PIK3CD: variants seen among roughly 807,000 people sequenced by gnomAD.
PIK3CD encodes phosphatidylinositol-4,5-bisphosphate 3-kinase catalytic subunit delta.
A neutral mutation model predicts 122.9 loss-of-function variants in PIK3CD; 20 were observed. That is an observed-to-expected ratio of 0.16 (90% CI 0.11 to 0.24). PIK3CD has a LOEUF of 0.24. Among genes scored for constraint, PIK3CD ranks in the 10% least tolerant of loss-of-function variants. PIK3CD has a pLI of 1.00. For missense variants in PIK3CD, 787 were observed against 1,406.3 expected (o/e 0.56, Z 7.04); for synonymous variants, 596 against 593.4 (o/e 1.00, Z -0.06).
At position 9,715,412 on chromosome 1, in the gene PIK3CD, TG is replaced by T; in HGVS notation, c.142-125del. The stretch of plus-strand genomic sequence containing the variant: ...AGGGGGCTGCAGAGAGTGCAGATCT[TG>T]GGGTCTGCCTCTGCCCTCTGGGAGG... On this transcript the variant is annotated intron_variant, in intron 3 of 23. Coordinates refer to ENST00000377346, the MANE Select transcript of PIK3CD (RefSeq NM_005026.5). This position sits in a 1 kb window ranked among gnomAD's most constrained non-coding sequence, Gnocchi z 4.1. 1 of 691,734 alleles carries T rather than the reference TG, an allele frequency of 1.4e-6. No individual in the cohort carries two copies. The highest frequency in any genetic ancestry group is 2.5e-6 in the Non-Finnish European group (1 of 397,040). The allele number at this position is 691,734 out of a possible 1,614,324, so 42.8% of individuals were successfully genotyped here.
chr1:9,704,752 G>C lies in PIK3CD; in HGVS notation c.-32-5672G>C, dbSNP rs543162779. 8.1e-4 allele frequency among the ~76,000 whole-genome samples: 124 copies of C among 152,312 alleles called. 1 individual carries two copies. The South Asian group carries it at 8.9e-3, about 11-fold the overall frequency. On this transcript the variant is annotated intron_variant, in intron 2 of 23. Coordinates refer to ENST00000377346, the MANE Select transcript of PIK3CD (RefSeq NM_005026.5). This position sits in a 1 kb window ranked among gnomAD's most constrained non-coding sequence, Gnocchi z 5.0. ...GGTCACCAATGCCTGAGCTCAAAGT[G>C]ATCCACTGGCCTCAGCCTCCCAAAG...
chr1:9,643,183 T>C, the PIK3CD span, among the ~76,000 whole-genome samples: 2 of 151,790 alleles, frequency 1.3e-5, no homozygotes, highest in African/African-American at 4.8e-5. Flanking sequence ...CCAAGACAGG[T>C]GGATCACCGG....
the PIK3CD span, among the ~76,000 whole-genome samples, chr1:9,630,278 G>T: frequency 2.5e-4 from 38 of 152,360 alleles, no homozygotes; most frequent in Non-Finnish European, 1.5e-5. Flanking sequence ...ATCATGGACT[G>T]CAGGGTCACT....
Position 9,664,263 on chromosome 1 carries a change from G to A in PIK3CD, c.-138+12461G>A, listed in dbSNP as rs533279677. The stretch of plus-strand genomic sequence containing the variant: ...AGGGTTTCACCATGTTGCCCAGGCT[G>A]GTCTCAAACTCCTGGCCTCAGGTGA... On this transcript the variant is annotated intron_variant, in intron 1 of 23. Coordinates refer to ENST00000377346, the MANE Select transcript of PIK3CD (RefSeq NM_005026.5). Among the ~76,000 whole-genome samples, 2 of 152,102 alleles carry A rather than the reference G, an allele frequency of 1.3e-5. 1 individual carries two copies. Among genetic ancestry groups the A allele is most frequent in the Admixed American group, 1.3e-4 (2 of 15,246 alleles).
At chr1:9,674,540 A>G (rs1031898267) in intron 1 of PIK3CD, among the ~76,000 whole-genome samples, 14 of 151,886 alleles carry the variant, frequency 9.2e-5, no homozygotes, top group Non-Finnish European at 1.9e-4. Flanking sequence ...AAATACAAAA[A>G]TTAGCCGGGT....
At chr1:9,628,325 C>G in the PIK3CD span, among the ~76,000 whole-genome samples, 1 of 152,098 alleles carries the variant, frequency 6.6e-6, no homozygotes, top group Admixed American at 6.6e-5. Context: ...GAAAAATACT[C>G]TTAGCGCAGA....
intron 1 of PIK3CD, chr1:9,654,464 C>T (rs757156628): frequency 1.0e-6 from 1 of 967,912 alleles, no homozygotes; most frequent in Admixed American, 2.5e-5. Context: ...ACAGGACAGA[C>T]AGTCCACCAA....
At chr1:9,692,492 C>G (rs1335154753) in intron 2 of PIK3CD, among the ~76,000 whole-genome samples, 2 of 152,028 alleles carry the variant, frequency 1.3e-5, no homozygotes, top group African/African-American at 2.4e-5. Flanking sequence ...TTTGGGAGGC[C>G]AAGGTGGGCG....
intron 1 of PIK3CD, among the ~76,000 whole-genome samples, chr1:9,655,080 A>AT (rs1644807246): frequency 6.6e-6 from 1 of 151,046 alleles, no homozygotes; most frequent in Non-Finnish European, 1.5e-5. Context: ...AAAAAAAAAA[A>AT]GAAAAAAAAG....
Position 9,718,219 on chromosome 1 carries a change from G to C in PIK3CD, c.1021-475G>C. 4.3e-6 allele frequency: 2 copies of C among 467,896 alleles called. No homozygotes were observed. The highest frequency in any genetic ancestry group is 8.5e-6 in the Non-Finnish European group (2 of 235,320). The allele number at this position is 467,896 out of a possible 1,614,324, so 29.0% of individuals were successfully genotyped here. On this transcript the variant is annotated intron_variant, in intron 8 of 23. Coordinates refer to ENST00000377346, the MANE Select transcript of PIK3CD (RefSeq NM_005026.5). The surrounding 1 kb of genome is among the most constrained non-coding windows in gnomAD (Gnocchi z 7.2). The stretch of plus-strand genomic sequence containing the variant: ...AAATCGTATAAGCAGGGCAGGTCTG[G>C]GTTCCACTGGCAGGAATCGAGGGGG...
chr1:9,705,953 CAT>C (rs920917398), intron 2 of PIK3CD, among the ~76,000 whole-genome samples: 104 of 151,142 alleles, frequency 6.9e-4, no homozygotes, highest in African/African-American at 2.4e-3. Context: ...GGTTATGCCA[CAT>C]GTGTCTCTTG....
In PIK3CD at chr1:9,715,974, A is replaced by G; in HGVS notation, c.496A>G (p.Ser166Gly). ...QLGWEAWLQY[S>G]FPLQLEPSAQ... The stretch of plus-strand genomic sequence containing the variant: ...GGGCTGGGAGGCCTGGCTGCAGTAC[A>G]GTTTCCCCCTGCAGCTGGAGCCCTC... Residue 166 changes from serine (S) to glycine (G), a missense_variant, in exon 5 of 24, where the codon AGT (serine) becomes GGT (glycine). Around this residue, in one of 6 missense-constraint regions of PIK3CD, gnomAD observed 592 missense variants for 920.6 expected, o/e 0.64. Coordinates refer to ENST00000377346, the MANE Select transcript of PIK3CD (RefSeq NM_005026.5). The surrounding 1 kb of genome is among the most constrained non-coding windows in gnomAD (Gnocchi z 4.1). 6.2e-7 allele frequency: 1 copy of G among 1,612,444 alleles called. No homozygotes were observed. Among genetic ancestry groups the G allele is most frequent in the Non-Finnish European group, 8.5e-7 (1 of 1,179,860 alleles).
At position 9,724,222 on chromosome 1, in the gene PIK3CD, TTC is replaced by T. The variant is rs1417432000; in HGVS notation, c.2719-49_2719-48del. 9.9e-6 allele frequency: 16 copies of T among 1,612,960 alleles called. No homozygotes were observed. In the East Asian group the frequency reaches 3.3e-4, roughly 34 times the overall value. Reference sequence around the variant, plus strand: ...CTGCTGGCTTCCTGTCTCCCCTGGATTCTCTCCTGTCTGACACCTTCTCAATC... The same window carrying T: ...CTGCTGGCTTCCTGTCTCCCCTGGATTCTCCTGTCTGACACCTTCTCAATC... On this transcript the variant is annotated intron_variant, in intron 21 of 23. Coordinates refer to ENST00000377346, the MANE Select transcript of PIK3CD (RefSeq NM_005026.5). The surrounding 1 kb of genome is among the most constrained non-coding windows in gnomAD (Gnocchi z 7.3).
chr1:9,648,281 G>A (rs540607950), upstream of PIK3CD, among the ~76,000 whole-genome samples: 88 of 152,282 alleles, frequency 5.8e-4, no homozygotes, highest in African/African-American at 1.9e-3. Flanking sequence ...ACATCTTAGC[G>A]CTTGACAACT....
chr1:9,691,367 T>C (rs1025748288), intron 1 of PIK3CD, 100 bp from the exon 2 acceptor site: 4 of 392,624 alleles, frequency 1.0e-5, no homozygotes, highest in African/African-American at 6.2e-5. Flanking sequence ...GATGAAGCAG[T>C]TGATTTTGAG....
At chr1:9,653,489 C>T (rs751421079) in intron 1 of PIK3CD, 4 of 256,866 alleles carry the variant, frequency 1.6e-5, no homozygotes, top group Admixed American at 5.2e-5. Flanking sequence ...CTGGGGGTGC[C>T]GTTGCTTGCG....
chr1:9,716,371 A>AC, intron 5 of PIK3CD, 69 bp from the exon 6 acceptor site: 1 of 1,492,708 alleles, frequency 6.7e-7, no homozygotes, highest in South Asian at 1.1e-5. Context: ...CAAATAGGCA[A>AC]CCCTGCCCTG....
chr1:9,635,073 C>T, the PIK3CD span, among the ~76,000 whole-genome samples: 1 of 152,086 alleles, frequency 6.6e-6, no homozygotes, highest in Non-Finnish European at 1.5e-5. Flanking sequence ...GGGTGGGTCA[C>T]CTGAGGTCAG....
At chr1:9,646,639 C>A in the PIK3CD span, among the ~76,000 whole-genome samples, 1 of 152,224 alleles carries the variant, frequency 6.6e-6, no homozygotes, top group South Asian at 2.1e-4. Flanking sequence ...GAATTTATGT[C>A]CTGTATTTAG....
Sources: allele counts gnomAD v4.1 joint callset (sites outside exome capture counted in the v4.1 genomes callset), GRCh38; gene constraint gnomAD v4.1.1; regional missense constraint gnomAD v4.1.1; non-coding constraint Gnocchi (gnomAD v3.1); transcripts MANE v1.5; gene names NCBI Gene and HGNC (gene_info 2026-07-23, HGNC 2026-07-21).